Variants in GRK4 observed in about 807,000 individuals in gnomAD.
The protein encoded by GRK4 is G protein-coupled receptor kinase 2-like.
In GRK4, 73 loss-of-function variants were observed where a neutral mutation model predicts 77.9. That is an observed-to-expected ratio of 0.94 (90% CI 0.78 to 1.14). GRK4 has a LOEUF of 1.14. Ranked by LOEUF, GRK4 falls within the 50% of genes most tolerant of loss-of-function variation. GRK4 has a pLI of 0.00. For synonymous variants in GRK4, 257 were observed against 254.4 expected (o/e 1.01, Z -0.10); for missense variants, 729 against 700.2 (o/e 1.04, Z -0.46).
chr4:2,966,705 C>G (rs1717819203), intron 1 of GRK4: 2 of 152,194 alleles, frequency 1.3e-5, no homozygotes, highest in South Asian at 4.1e-4. Flanking sequence ...TTCTTGGACA[C>G]ATAACTTCAT....
intron 1 of GRK4, chr4:2,965,380 G>C (rs776332646): frequency 7.4e-5 from 52 of 702,868 alleles, no homozygotes; most frequent in South Asian, 7.1e-4. Flanking sequence ...ACAGAGCCTC[G>C]GACCTCAAGT....
intron 1 of GRK4, among the ~76,000 whole-genome samples, chr4:2,976,048 A>G (rs6856669): frequency 0.093 from 14,178 of 152,238 alleles, 850 homozygotes; most frequent in African/African-American, 0.18. Flanking sequence ...GCAAGGGGCA[A>G]GGAGCAAGGG....
chr4:2,966,475 G>A (rs1717745844), intron 1 of GRK4: 1 of 152,102 alleles, frequency 6.6e-6, no homozygotes, highest in Admixed American at 6.6e-5. Flanking sequence ...CTCCACAGTA[G>A]TGTGATTATG....
intron 1 of GRK4, among the ~76,000 whole-genome samples, chr4:2,971,601 G>A (rs1006212881): frequency 6.6e-6 from 1 of 152,198 alleles, no homozygotes; most frequent in Non-Finnish European, 1.5e-5. Context: ...AAAGCGGGGA[G>A]GACAGTATTG....
chr4:3,008,213 T>C (rs943074242), intron 6 of GRK4, among the ~76,000 whole-genome samples: 4 of 152,222 alleles, frequency 2.6e-5, no homozygotes, highest in African/African-American at 9.6e-5. Context: ...TGTTCTCTCT[T>C]TTTAAAATGG....
intron 4 of GRK4, among the ~76,000 whole-genome samples, chr4:2,994,273 CG>C (rs1415548556): frequency 6.6e-5 from 10 of 152,340 alleles, no homozygotes; most frequent in African/African-American, 2.4e-4. Flanking sequence ...TGCAGTGGCA[CG>C]ATCTTGGCTC....
At chr4:3,027,670 A>G (rs1473349290) in intron 10 of GRK4, among the ~76,000 whole-genome samples, 1 of 152,246 alleles carries the variant, frequency 6.6e-6, no homozygotes, top group Non-Finnish European at 1.5e-5. Flanking sequence ...GCCTATGATT[A>G]AAGGGCTTCC....
chr4:2,974,939 A>C (rs551003739), intron 1 of GRK4, among the ~76,000 whole-genome samples: 1 of 152,246 alleles, frequency 6.6e-6, no homozygotes, highest in Non-Finnish European at 1.5e-5. Flanking sequence ...TGTCTGTGCC[A>C]TGTCTGCCCT....
intron 4 of GRK4, among the ~76,000 whole-genome samples, chr4:2,994,804 CG>C (rs983006324): frequency 3.3e-5 from 5 of 151,966 alleles, no homozygotes; most frequent in African/African-American, 9.7e-5. Context: ...ATTTTAAGTT[CG>C]GGGGTACATG....
intron 15 of GRK4, among the ~76,000 whole-genome samples, chr4:3,040,162 C>T (rs757015452): frequency 2.0e-5 from 3 of 152,102 alleles, no homozygotes; most frequent in Admixed American, 6.5e-5. Flanking sequence ...GCCCCCTGGC[C>T]GGGCACGCTG....
intron 5 of GRK4, among the ~76,000 whole-genome samples, chr4:3,005,413 C>T (rs541346014): frequency 2.0e-5 from 3 of 152,016 alleles, no homozygotes; most frequent in African/African-American, 7.2e-5. Context: ...CGTTGCAGCT[C>T]ACATGTGGCA....
intron 10 of GRK4, among the ~76,000 whole-genome samples, chr4:3,025,660 G>A (rs1737311529): frequency 6.6e-6 from 1 of 151,942 alleles, no homozygotes; most frequent in Non-Finnish European, 1.5e-5. Flanking sequence ...CCAAAGTGCT[G>A]GGATTACAGG....
intron 6 of GRK4, among the ~76,000 whole-genome samples, chr4:3,009,223 C>A (rs1732178705): frequency 1.3e-5 from 2 of 151,822 alleles, no homozygotes; most frequent in Admixed American, 1.3e-4. Flanking sequence ...GAGTTCGAGA[C>A]CAGCCTGGTA....
chr4:2,964,212 C>G (rs1716699730), intron 1 of GRK4, 90 bp downstream of exon 1: 1 of 1,102,558 alleles, frequency 9.1e-7, no homozygotes, highest in Non-Finnish European at 1.3e-6. Flanking sequence ...CCGACATCCC[C>G]GGAGAACCCC....
intron 1 of GRK4, among the ~76,000 whole-genome samples, chr4:2,971,890 T>C (rs1228054766): frequency 6.6e-6 from 1 of 152,160 alleles, no homozygotes; most frequent in Admixed American, 6.5e-5. Flanking sequence ...CTGTGTCCAA[T>C]TTTCCATTTT....
At chr4:3,039,943 C>T (rs1378370515) in intron 15 of GRK4, among the ~76,000 whole-genome samples, 2 of 152,200 alleles carry the variant, frequency 1.3e-5, no homozygotes, top group African/African-American at 2.4e-5. Context: ...GAAAACCTGC[C>T]GTTGAGAGAA....
chr4:3,009,775 C>G, intron 7 of GRK4, 64 bp downstream of exon 7: 1 of 1,232,940 alleles, frequency 8.1e-7, no homozygotes, highest in Non-Finnish European at 1.2e-6. Flanking sequence ...GTCCTGAGAA[C>G]ATGGCTTCAG....
chr4:2,998,173 A>G (rs1325880623), intron 4 of GRK4, among the ~76,000 whole-genome samples: 1 of 152,186 alleles, frequency 6.6e-6, no homozygotes, highest in African/African-American at 2.4e-5. Flanking sequence ...CCTGGGCAAC[A>G]TGGTGAAACC....
At chr4:2,965,483 C>G in intron 1 of GRK4, 1 of 702,772 alleles carries the variant, frequency 1.4e-6, no homozygotes, top group Non-Finnish European at 2.6e-6. Context: ...CAGCTCTGCT[C>G]GGACTGTGCT....
Sources: gnomAD v4.1 joint callset for allele counts (sites outside exome capture counted in the v4.1 genomes callset) on GRCh38, gnomAD v4.1.1 for gene constraint, MANE v1.5 for transcripts, NCBI Gene and HGNC (gene_info 2026-07-23, HGNC 2026-07-21) for gene names.